Variants in SMARCA1 observed in about 807,000 individuals in gnomAD.
SMARCA1 encodes the protein SNF2 related chromatin remodeling ATPase 1.
In SMARCA1, 17 loss-of-function variants were observed where a neutral mutation model predicts 93.6. The observed-to-expected ratio is 0.18, with a 90% CI of 0.12 to 0.27. SMARCA1 has a LOEUF of 0.27. Ranked by LOEUF, SMARCA1 falls within the 10% of genes least tolerant of loss-of-function variation. The pLI is 1.00. For missense variants in SMARCA1, 630 were observed against 819.0 expected (o/e 0.77, Z 2.82); for synonymous variants, 271 against 271.4 (o/e 1.00, Z 0.01).
chrX:129,493,369 AAGAT>A (rs1934200486), intron 12 of SMARCA1, among the ~76,000 whole-genome samples: 1 of 111,812 alleles, frequency 8.9e-6, no homozygotes, highest in African/African-American at 3.2e-5. Flanking sequence ...TATACCTAAA[AAGAT>A]AGGCCAGAAA....
At chrX:129,488,860 A>G (rs1934009088) in intron 16 of SMARCA1, 77 bp downstream of exon 16, 2 of 623,068 alleles carry the variant, frequency 3.2e-6, no homozygotes, top group Admixed American at 2.9e-5. Flanking sequence ...AAACATGTAC[A>G]ATGAAAATAT....
chrX:129,455,455 G>A (rs758901315), intron 23 of SMARCA1, among the ~76,000 whole-genome samples: 2 of 108,332 alleles, frequency 1.8e-5, no homozygotes, highest in Non-Finnish European at 3.8e-5. Flanking sequence ...GGGCCTGTTG[G>A]GGGGGTGGGG....
At chrX:129,516,268 G>C in intron 3 of SMARCA1, 63 bp downstream of exon 3, 1 of 1,046,832 alleles carries the variant, frequency 9.6e-7, no homozygotes, top group Non-Finnish European at 1.3e-6. Context: ...GGGATCAAGG[G>C]AGGACAGGAG....
rs780225300 is a variant in SMARCA1, at chrX:129,504,549, T to TAAAAAAAAAAAAAAAA, written c.1167+169_1167+184dup. 5.8e-4 allele frequency among the ~76,000 whole-genome samples: 14 copies of TAAAAAAAAAAAAAAAA among 24,203 alleles called. 1 individual carries two copies. Among genetic ancestry groups the TAAAAAAAAAAAAAAAA allele is most frequent in the African/African-American group, 2.0e-3 (14 of 7,005 alleles). 21.0% of individuals were successfully genotyped at this position (24,203 alleles called of 115,157 possible). ...GAGAGAGGCTGAGGACATAGAGGAATAAAAAAAAAAAAAAAAAAAAAAAAA... is the reference window on the plus strand; with the variant it reads ...GAGAGAGGCTGAGGACATAGAGGAATAAAAAAAAAAAAAAAAAAAAAAAAAAAAAAAAAAAAAAAAA... On this transcript the variant is annotated intron_variant, in intron 9 of 24. Coordinates refer to ENST00000371121, the MANE Select transcript of SMARCA1 (RefSeq NM_001282874.2).
At position 129,516,253 on chromosome X, in the gene SMARCA1, A is replaced by C. The variant is rs761249976; in HGVS notation, c.428+78T>G. ...TGAACAATGAAGAGCGAAGGGGTGCATGAAGGGATCAAGGGAGGACAGGAG... is the reference window on the plus strand; with the variant it reads ...TGAACAATGAAGAGCGAAGGGGTGCCTGAAGGGATCAAGGGAGGACAGGAG... On this transcript the variant is annotated intron_variant, in intron 3 of 24. Transcript: ENST00000371121. 8.5e-5 allele frequency: 79 copies of C among 930,253 alleles called. No homozygotes were observed. The South Asian group carries it at 1.6e-3, about 19-fold the overall frequency. 76.7% of individuals were successfully genotyped at this position (930,253 alleles called of 1,213,427 possible). A position where few individuals can be genotyped will look rare whatever the true frequency, so the allele number is the denominator to read the frequency against.
chrX:129,499,962 T>C, intron 9 of SMARCA1, 121 bp from the exon 10 acceptor site: 1 of 318,733 alleles, frequency 3.1e-6, no homozygotes, highest in Non-Finnish European at 5.5e-6. Flanking sequence ...ATACTACCAA[T>C]ACCAGTTGCG....
At chrX:129,448,966 G>GCACA (rs34806802) in intron 23 of SMARCA1, among the ~76,000 whole-genome samples, 289 of 102,661 alleles carry the variant, frequency 2.8e-3, no homozygotes, top group Non-Finnish European at 3.6e-3. Flanking sequence ...GCATTGAACT[G>GCACA]CACACACACA....
chrX:129,480,562 T>G, intron 19 of SMARCA1, 139 bp downstream of exon 19: 2 of 268,119 alleles, frequency 7.5e-6, no homozygotes, highest in Non-Finnish European at 1.3e-5. Flanking sequence ...AAACTTCCTC[T>G]TTGGTTTTAA....
At chrX:129,506,862 C>T (rs1934837160) in intron 7 of SMARCA1, among the ~76,000 whole-genome samples, 1 of 110,034 alleles carries the variant, frequency 9.1e-6, no homozygotes, top group Non-Finnish European at 1.9e-5. Context: ...CTCCATCTCC[C>T]CACCAACCAC....
At chrX:129,452,441 C>T (rs146833730) in intron 23 of SMARCA1, among the ~76,000 whole-genome samples, 2,048 of 112,338 alleles carry the variant, frequency 0.018, 56 homozygotes, top group African/African-American at 0.062. Context: ...AAATAACAAA[C>T]GGAAAACTGC....
chrX:129,460,483 C>G (rs192179142), intron 23 of SMARCA1, among the ~76,000 whole-genome samples: 3 of 110,659 alleles, frequency 2.7e-5, no homozygotes, highest in African/African-American at 6.6e-5. Context: ...AATCCCATCT[C>G]TACCAAAAAT....
chrX:129,447,975 C>T (rs913226706), intron 24 of SMARCA1, among the ~76,000 whole-genome samples: 3 of 111,169 alleles, frequency 2.7e-5, no homozygotes, highest in Non-Finnish European at 3.8e-5. Flanking sequence ...TTGATCAAAT[C>T]AGAACTCCTA....
intron 1 of SMARCA1, among the ~76,000 whole-genome samples, chrX:129,522,035 C>A (rs937479040): frequency 2.6e-4 from 29 of 111,799 alleles, no homozygotes; most frequent in Admixed American, 2.6e-3. Flanking sequence ...AATTACCCAC[C>A]TTTTTAAAAT....
At chrX:129,488,503 G>A (rs991642794) in intron 16 of SMARCA1, among the ~76,000 whole-genome samples, 1 of 106,704 alleles carries the variant, frequency 9.4e-6, no homozygotes, top group African/African-American at 3.4e-5. Flanking sequence ...AGCTACTCAG[G>A]AGGCTGAGGT....
intron 19 of SMARCA1, among the ~76,000 whole-genome samples, chrX:129,473,687 A>G (rs987983706): frequency 1.1e-4 from 12 of 112,328 alleles, no homozygotes; most frequent in Admixed American, 2.8e-4. Flanking sequence ...CATTATGCTA[A>G]GTGAAACAAG....
At position 129,488,943 on chromosome X, in the gene SMARCA1, T is replaced by C; in HGVS notation, c.2091A>G (p.Glu697=). 1 of 1,173,082 alleles carries C rather than the reference T, an allele frequency of 8.5e-7. No individual in the cohort carries two copies. Among genetic ancestry groups the C allele is most frequent in the Non-Finnish European group, 1.2e-6 (1 of 867,585 alleles). The change falls in exon 16 of 25, where the codon GAA becomes GAG. Residue 697 remains glutamate (E), a synonymous_variant. Coordinates refer to ENST00000371121, the MANE Select transcript of SMARCA1 (RefSeq NM_001282874.2). The part of the protein sequence containing the change: ...EDITTILERG[E]KKTAEMNERL... ...AAATGCTATTTTAACTAACCTTCTTTTCCCCTCTTTCCAGAATAGTTGTAA... is the reference window on the plus strand; with the variant it reads ...AAATGCTATTTTAACTAACCTTCTTCTCCCCTCTTTCCAGAATAGTTGTAA...
chrX:129,474,217 TG>T (rs1230141534), intron 19 of SMARCA1, among the ~76,000 whole-genome samples: 2 of 112,091 alleles, frequency 1.8e-5, no homozygotes, highest in African/African-American at 3.2e-5. Context: ...TCCTTCATAA[TG>T]TTTTTTTAAA....
intron 10 of SMARCA1, among the ~76,000 whole-genome samples, chrX:129,498,824 G>A (rs1324947237): frequency 9.0e-6 from 1 of 111,447 alleles, no homozygotes; most frequent in Non-Finnish European, 1.9e-5. Context: ...TGATCTAATT[G>A]TATTTATATA....
chrX:129,522,804 G>T (rs970382143), intron 1 of SMARCA1, among the ~76,000 whole-genome samples: 2 of 111,928 alleles, frequency 1.8e-5, no homozygotes, highest in South Asian at 7.4e-4. Flanking sequence ...CGGGAAGGCG[G>T]GGGGAGAGGG....
Sources: allele counts gnomAD v4.1 joint callset (sites outside exome capture counted in the v4.1 genomes callset), GRCh38; gene constraint gnomAD v4.1.1; transcripts MANE v1.5; gene names NCBI Gene and HGNC (gene_info 2026-07-23, HGNC 2026-07-21).